Variants in PSMA3 observed in about 807,000 individuals in gnomAD.
The protein encoded by PSMA3 is proteasome 20S subunit alpha 3, also known as proteasome subunit alpha type-3.
A neutral mutation model predicts 40.0 loss-of-function variants in PSMA3; 8 were observed. That is an observed-to-expected ratio of 0.20 (90% CI 0.12 to 0.36). The LOEUF (loss-of-function observed/expected upper bound fraction) is 0.36, where lower values mean the gene tolerates loss of function less well. Ranked by LOEUF, PSMA3 falls within the 10% of genes least tolerant of loss-of-function variation. The probability of loss-of-function intolerance (pLI) is 1.00; values close to 1 mark genes in which losing one functional copy is unlikely to be tolerated. For missense variants in PSMA3, 219 were observed against 310.6 expected, an observed-to-expected ratio of 0.70 and a Z score of 2.22; for synonymous variants, 110 against 100.0, an observed-to-expected ratio of 1.10 and a Z score of -0.59.
intron 6 of PSMA3, among the ~76,000 whole-genome samples, chr14:58,262,731 T>A (rs1384271994): frequency 6.6e-6 from 1 of 151,142 alleles, no homozygotes; most frequent in Non-Finnish European, 1.5e-5. Context: ...CCTGGCTAAT[T>A]TTTGTATTTT....
intron 3 of PSMA3, among the ~76,000 whole-genome samples, chr14:58,255,916 T>TCA (rs1890133424): frequency 2.0e-5 from 3 of 152,214 alleles, no homozygotes; most frequent in Non-Finnish European, 4.4e-5. Context: ...TGGAGTGTAG[T>TCA]GGCGTGATCT....
intron 2 of PSMA3, among the ~76,000 whole-genome samples, chr14:58,248,366 A>C (rs1190339500): frequency 2.6e-5 from 4 of 151,994 alleles, no homozygotes; most frequent in Non-Finnish European, 5.9e-5. Flanking sequence ...AGTAGCTGGG[A>C]TTACAGGCAT....
At chr14:58,270,904 A>G (rs1322843423) in intron 9 of PSMA3, 30 bp from the exon 10 acceptor site, 1 of 1,543,140 alleles carries the variant, frequency 6.5e-7, no homozygotes, top group Admixed American at 1.7e-5. Flanking sequence ...TCAATTTAAA[A>G]TTCATTTACA....
intron 3 of PSMA3, among the ~76,000 whole-genome samples, 169 bp downstream of exon 3, chr14:58,252,411 G>A (rs1890032945): frequency 6.6e-6 from 1 of 152,170 alleles, no homozygotes; most frequent in Non-Finnish European, 1.5e-5. Context: ...TTAGTGATGG[G>A]GGAAAAACCA....
At chr14:58,260,230 C>T (rs1890242330) in intron 5 of PSMA3, among the ~76,000 whole-genome samples, 1 of 152,162 alleles carries the variant, frequency 6.6e-6, no homozygotes, top group Non-Finnish European at 1.5e-5. Flanking sequence ...ATAACCTGTG[C>T]ATATCCTCCT....
intron 8 of PSMA3, 51 bp from the exon 9 acceptor site, chr14:58,270,367 C>T: frequency 6.2e-7 from 1 of 1,606,428 alleles, no homozygotes; most frequent in African/African-American, 1.3e-5. Flanking sequence ...CTGTGAACTA[C>T]TTCAATGTTT....
chr14:58,247,204 G>C (rs188776250), intron 1 of PSMA3, among the ~76,000 whole-genome samples: 3 of 152,282 alleles, frequency 2.0e-5, no homozygotes, highest in Admixed American at 6.5e-5. Flanking sequence ...GTAGTCTGTA[G>C]TAGTTCATTG....
intron 2 of PSMA3, 117 bp from the exon 3 acceptor site, chr14:58,252,002 G>A: frequency 1.0e-6 from 1 of 1,000,040 alleles, no homozygotes; most frequent in East Asian, 2.6e-5. Context: ...GTTTTCAAAT[G>A]TTTTAAGGTA....
rs763326419 is a variant in PSMA3, at chr14:58,252,108, CCTT to C, written c.105-10_105-8del. 130 of 1,577,898 alleles carry C rather than the reference CCTT, an allele frequency of 8.2e-5. No individual in the cohort carries two copies. Among genetic ancestry groups the C allele is most frequent in the Non-Finnish European group, 1.1e-4 (123 of 1,169,408 alleles). On this transcript the variant is annotated splice_region_variant and splice_polypyrimidine_tract_variant and intron_variant, in intron 2 of 10. Transcript: ENST00000216455. ...TCAGTTAAAAAACTGATTTTCTTCT[CCTT>C]GTTTCAGTACAGCTATTGGAATCAG...
intron 2 of PSMA3, among the ~76,000 whole-genome samples, chr14:58,250,465 A>G (rs1005147516): frequency 1.3e-5 from 2 of 152,060 alleles, no homozygotes; most frequent in African/African-American, 2.4e-5. Flanking sequence ...AAAAATGAAC[A>G]TGAGGTTTTT....
intron 2 of PSMA3, among the ~76,000 whole-genome samples, chr14:58,250,733 T>C (rs945013392): frequency 6.6e-6 from 1 of 152,218 alleles, no homozygotes; most frequent in Non-Finnish European, 1.5e-5. Context: ...CCCTGCTTTT[T>C]AGATTGTGGA....
At chr14:58,267,590 A>G in intron 8 of PSMA3, 70 bp downstream of exon 8, 1 of 1,410,310 alleles carries the variant, frequency 7.1e-7, no homozygotes, top group South Asian at 1.8e-5. Flanking sequence ...TATTACATTA[A>G]TCCTAAGAAG....
intron 3 of PSMA3, among the ~76,000 whole-genome samples, chr14:58,255,866 G>A (rs1890132310): frequency 2.0e-5 from 3 of 152,150 alleles, no homozygotes; most frequent in African/African-American, 7.2e-5. Context: ...TTTTGTTTTT[G>A]TTTTTGTTTT....
chr14:58,261,898 G>A (rs368303368), intron 6 of PSMA3, among the ~76,000 whole-genome samples: 7 of 151,864 alleles, frequency 4.6e-5, no homozygotes, highest in African/African-American at 1.7e-4. Context: ...CTACAGGCGT[G>A]AGCATCGATG....
In PSMA3 at chr14:58,252,194, A is replaced by G. The variant is rs1890027441; in HGVS notation, c.180A>G (p.Glu60=). ...AATTAGTCCTTTCTAAACTTTATGA[A>G]GAAGGTTCCAACAAAAGACTTTTTA... ...VEKLVLSKLY[E]EGSNKRLFNV... is the part of the protein sequence containing the mutation. The change falls in exon 3 of 11, where the codon GAA becomes GAG. Residue 60 remains glutamate, a synonymous_variant. Coordinates refer to ENST00000216455, the MANE Select transcript of PSMA3 (RefSeq NM_002788.4). 1 of 1,613,128 alleles carries G rather than the reference A, an allele frequency of 6.2e-7. No homozygotes were observed. The highest frequency in any genetic ancestry group is 8.5e-7 in the Non-Finnish European group (1 of 1,179,792).
chr14:58,249,265 G>A (rs1048375554), intron 2 of PSMA3, among the ~76,000 whole-genome samples: 108 of 151,584 alleles, frequency 7.1e-4, no homozygotes, highest in African/African-American at 2.6e-3. Context: ...CGGCCTAAAA[G>A]TTCTTCTTTT....
At chr14:58,268,400 T>A (rs1236926739) in intron 8 of PSMA3, among the ~76,000 whole-genome samples, 1 of 152,202 alleles carries the variant, frequency 6.6e-6, no homozygotes, top group Non-Finnish European at 1.5e-5. Flanking sequence ...TGGGCTCTAT[T>A]GTTTAATAAA....
chr14:58,250,273 T>G (rs922049086), intron 2 of PSMA3, among the ~76,000 whole-genome samples: 1 of 151,268 alleles, frequency 6.6e-6, no homozygotes, highest in Non-Finnish European at 1.5e-5. Flanking sequence ...CTGGCTGGTC[T>G]TGAACTCCTG....
chr14:58,251,969 C>T, intron 2 of PSMA3, 150 bp from the exon 3 acceptor site: 4 of 705,736 alleles, frequency 5.7e-6, no homozygotes, highest in Non-Finnish European at 9.0e-6. Context: ...ATTTATTACA[C>T]TTTAGTGTGT....
Sources: allele counts gnomAD v4.1 joint callset (sites outside exome capture counted in the v4.1 genomes callset), GRCh38; gene constraint gnomAD v4.1.1; transcripts MANE v1.5; gene names NCBI Gene and HGNC (gene_info 2026-07-23, HGNC 2026-07-21).